The following ZC3H12B variants were observed in gnomAD, a reference collection of about 807,000 sequenced individuals.
ZC3H12B encodes zinc finger CCCH-type containing 12B.
A neutral mutation model predicts 43.9 loss-of-function variants in ZC3H12B; 7 were observed. That is an observed-to-expected ratio of 0.16 (90% CI 0.09 to 0.30). The LOEUF (loss-of-function observed/expected upper bound fraction) is 0.30. Ranked by LOEUF, ZC3H12B falls within the 10% of genes least tolerant of loss-of-function variation. The pLI, the probability that ZC3H12B is intolerant of heterozygous loss-of-function variation, is 1.00. For missense variants in ZC3H12B, 475 were observed against 670.2 expected, an observed-to-expected ratio of 0.71 and a Z score of 3.22; for synonymous variants, 222 against 241.7, an observed-to-expected ratio of 0.92 and a Z score of 0.76.
At chrX:65,188,231 C>A in the ZC3H12B span, among the ~76,000 whole-genome samples, 1 of 111,392 alleles carries the variant, frequency 9.0e-6, no homozygotes, top group Non-Finnish European at 1.9e-5. Context: ...TAGGTTGCTT[C>A]CACATTTTGG....
At chrX:65,290,860 G>A in the ZC3H12B span, among the ~76,000 whole-genome samples, 1 of 110,580 alleles carries the variant, frequency 9.0e-6, no homozygotes, top group Non-Finnish European at 1.9e-5. Flanking sequence ...AAGGTGAATG[G>A]GGGGATATGG....
At chrX:65,161,460 T>C in the ZC3H12B span, among the ~76,000 whole-genome samples, 4 of 112,065 alleles carry the variant, frequency 3.6e-5, no homozygotes, top group East Asian at 1.1e-3. Context: ...ATTGGGTGCA[T>C]ATATATTAAT....
the ZC3H12B span, among the ~76,000 whole-genome samples, chrX:65,120,529 C>A: frequency 6.3e-5 from 7 of 111,718 alleles, no homozygotes; most frequent in African/African-American, 9.8e-5. Flanking sequence ...AGTTGCCTAT[C>A]AGCTTAAGGA....
chrX:65,122,238 C>G, the ZC3H12B span, among the ~76,000 whole-genome samples: 3 of 110,862 alleles, frequency 2.7e-5, no homozygotes, highest in South Asian at 7.6e-4. Context: ...ATTCAACATT[C>G]TTAAATAAAA....
the ZC3H12B span, among the ~76,000 whole-genome samples, chrX:65,130,117 C>T: frequency 1.1e-3 from 117 of 111,322 alleles, 1 homozygote; most frequent in Non-Finnish European, 1.7e-3. Flanking sequence ...TGGGCTCTAT[C>T]GTTGACAGAG....
the ZC3H12B span, among the ~76,000 whole-genome samples, chrX:65,154,352 A>T: frequency 3.6e-5 from 4 of 112,168 alleles, no homozygotes; most frequent in African/African-American, 6.5e-5. Context: ...TTTGTAAATT[A>T]TCTTTTAAAA....
At chrX:65,190,676 TATC>T in the ZC3H12B span, among the ~76,000 whole-genome samples, 1 of 110,397 alleles carries the variant, frequency 9.1e-6, no homozygotes, top group Admixed American at 9.7e-5. Context: ...TGAAGTTGCT[TATC>T]ATCTTCAGGA....
chrX:65,286,471 G>A, the ZC3H12B span, among the ~76,000 whole-genome samples: 1 of 111,077 alleles, frequency 9.0e-6, no homozygotes, highest in African/African-American at 3.3e-5. Flanking sequence ...CCTACTACCT[G>A]GGTGATGGGA....
chrX:65,158,829 A>T, the ZC3H12B span, among the ~76,000 whole-genome samples: 2 of 111,897 alleles, frequency 1.8e-5, no homozygotes, highest in East Asian at 5.6e-4. Flanking sequence ...TTGGTGTTTT[A>T]GACATAAAGT....
intron 3 of ZC3H12B, among the ~76,000 whole-genome samples, chrX:65,457,761 C>T (rs1602479746): frequency 3.1e-5 from 2 of 64,284 alleles, no homozygotes; most frequent in Non-Finnish European, 2.5e-5. Flanking sequence ...GATCTGTGAC[C>T]TTATCCCCAA....
chrX:65,151,980 A>G, the ZC3H12B span, among the ~76,000 whole-genome samples: 1 of 112,017 alleles, frequency 8.9e-6, no homozygotes, highest in African/African-American at 3.2e-5. Context: ...ATGACAAAAA[A>G]CACATGATTA....
chrX:65,237,495 T>C, the ZC3H12B span, among the ~76,000 whole-genome samples: 2 of 111,139 alleles, frequency 1.8e-5, no homozygotes, highest in East Asian at 5.6e-4. Context: ...GATATAGGAT[T>C]ATGTCATCTG....
At chrX:65,499,426 A>G in intron 3 of ZC3H12B, 193 bp downstream of exon 8, 1 of 399,328 alleles carries the variant, frequency 2.5e-6, no homozygotes, top group South Asian at 5.4e-5. Context: ...GACAACCACA[A>G]TGTTTTGTTA....
chrX:65,408,309 A>G, intron 3 of ZC3H12B: 1 of 1,193,240 alleles, frequency 8.4e-7, no homozygotes, highest in Non-Finnish European at 1.1e-6. Flanking sequence ...ATTGAAATGC[A>G]CAAACAGACT....
intron 3 of ZC3H12B, among the ~76,000 whole-genome samples, chrX:65,466,915 AATAT>A (rs58150008): frequency 0.014 from 328 of 23,710 alleles, 6 homozygotes; most frequent in South Asian, 0.028. Flanking sequence ...TATAAAACCA[AATAT>A]ATATATATAT....
the ZC3H12B span, among the ~76,000 whole-genome samples, chrX:65,226,318 T>C: frequency 9.0e-6 from 1 of 110,884 alleles, no homozygotes; most frequent in Admixed American, 9.6e-5. Context: ...GACAAGCAAA[T>C]GCTGAGAGAT....
the ZC3H12B span, among the ~76,000 whole-genome samples, chrX:65,358,283 A>C: frequency 9.0e-6 from 1 of 111,296 alleles, no homozygotes; most frequent in Non-Finnish European, 1.9e-5. Flanking sequence ...ATGAGACAGA[A>C]ACTCAACAAT....
At chrX:65,378,526 G>A (rs187095741) in intron 2 of ZC3H12B, among the ~76,000 whole-genome samples, 2 of 111,542 alleles carry the variant, frequency 1.8e-5, no homozygotes, top group Admixed American at 9.5e-5. Flanking sequence ...TTCACTAAAA[G>A]GAAGACGAGA....
At chrX:65,055,852 T>C in the ZC3H12B span, among the ~76,000 whole-genome samples, 1 of 112,144 alleles carries the variant, frequency 8.9e-6, no homozygotes, top group Non-Finnish European at 1.9e-5. Flanking sequence ...TCATTTCTTC[T>C]AGATTTTCTA....
Sources: allele counts gnomAD v4.1 joint callset (sites outside exome capture counted in the v4.1 genomes callset), GRCh38; gene constraint gnomAD v4.1.1; transcripts MANE v1.5; gene names NCBI Gene and HGNC (gene_info 2026-07-23, HGNC 2026-07-21).